Variants in RBFOX1 observed in about 807,000 individuals in gnomAD.
RBFOX1 encodes RNA binding protein fox-1 homolog 1.
A neutral mutation model predicts 57.7 loss-of-function variants in RBFOX1; 8 were observed. The ratio of observed to expected loss-of-function variants is 0.14; its 90% confidence interval spans 0.08 to 0.25. The LOEUF is 0.25. RBFOX1 is among the 10% of genes least tolerant of loss of function. The pLI is 1.00. For missense variants in RBFOX1, 611 were observed against 548.5 expected (o/e 1.11, Z -1.14); for synonymous variants, 326 against 222.4 (o/e 1.47, Z -4.15).
Position 6,406,761 on chromosome 16 carries a change from C to T in RBFOX1, c.-64+89704C>T, listed in dbSNP as rs535111861. Among the ~76,000 whole-genome samples the T allele has an allele frequency of 1.3e-4, 20 of 152,100 alleles. No individual in the cohort carries two copies. The South Asian group carries it at 3.5e-3, about 27-fold the overall frequency. ...AGCATGCATCATTGCAAAGGGTCTT[C>T]ATAAGGTTATGTGGAGGCTACCTGG... On this transcript the variant is annotated intron_variant, in intron 2 of 15. Transcript: ENST00000550418.
At chr16:5,993,887 T>C (rs1201802334) in intron 4 of RBFOX1, among the ~76,000 whole-genome samples, 1 of 152,204 alleles carries the variant, frequency 6.6e-6, no homozygotes, top group Admixed American at 6.5e-5. Context: ...TATTAATTCT[T>C]ATTTAGTGAA....
At chr16:7,233,425 C>G (rs1031664419) in intron 4 of RBFOX1, among the ~76,000 whole-genome samples, 6 of 152,186 alleles carry the variant, frequency 3.9e-5, no homozygotes, top group Admixed American at 1.3e-4. Flanking sequence ...CTTTTCCTTG[C>G]TCTTTCTCTT....
At chr16:7,193,184 A>G (rs533105964) in intron 4 of RBFOX1, among the ~76,000 whole-genome samples, 1 of 152,210 alleles carries the variant, frequency 6.6e-6, no homozygotes, top group Non-Finnish European at 1.5e-5. Flanking sequence ...TAGGGTTGTT[A>G]TAAGTGAAGA....
intron 1 of RBFOX1, among the ~76,000 whole-genome samples, chr16:5,340,813 G>C (rs2151294505): frequency 6.6e-6 from 1 of 152,310 alleles, no homozygotes; most frequent in East Asian, 1.9e-4. Context: ...ATTCTCACAT[G>C]GGAGACAAAA....
chr16:5,364,593 A>ATC (rs1292081476), intron 1 of RBFOX1, among the ~76,000 whole-genome samples: 5 of 152,138 alleles, frequency 3.3e-5, no homozygotes, highest in Non-Finnish European at 4.4e-5. Context: ...CTATCTAAAA[A>ATC]TCTCTCCCTA....
chr16:6,250,915 A>T (rs1035332308), intron 1 of RBFOX1, among the ~76,000 whole-genome samples: 1 of 152,110 alleles, frequency 6.6e-6, no homozygotes, highest in Non-Finnish European at 1.5e-5. Flanking sequence ...GAACCCTTCC[A>T]TTAGTGTAGA....
intron 4 of RBFOX1, among the ~76,000 whole-genome samples, chr16:5,987,342 C>T (rs2060303928): frequency 6.6e-6 from 1 of 152,172 alleles, no homozygotes; most frequent in African/African-American, 2.4e-5. Context: ...CTTGTCTCCT[C>T]ATCCTCTTTC....
At chr16:6,386,400 A>G (rs1231505254) in intron 2 of RBFOX1, among the ~76,000 whole-genome samples, 2 of 152,102 alleles carry the variant, frequency 1.3e-5, no homozygotes, top group Admixed American at 6.6e-5. Context: ...ATTATCATCC[A>G]CTTCTTGCTG....
chr16:6,881,028 C>T (rs184041953), intron 3 of RBFOX1, among the ~76,000 whole-genome samples: 8 of 152,298 alleles, frequency 5.3e-5, no homozygotes, highest in Non-Finnish European at 1.2e-4. Flanking sequence ...CCATACCCTC[C>T]ACCTTCCCCT....
At chr16:6,280,832 C>G (rs779803739) in intron 1 of RBFOX1, among the ~76,000 whole-genome samples, 4 of 151,898 alleles carry the variant, frequency 2.6e-5, no homozygotes, top group Non-Finnish European at 4.4e-5. Flanking sequence ...AGGACACATA[C>G]TACAGAGAGT....
At chr16:5,890,349 A>C (rs1003977921) in intron 4 of RBFOX1, among the ~76,000 whole-genome samples, 1 of 152,106 alleles carries the variant, frequency 6.6e-6, no homozygotes, top group Non-Finnish European at 1.5e-5. Flanking sequence ...CGATAATTTC[A>C]CAGCTGAGTA....
intron 3 of RBFOX1, among the ~76,000 whole-genome samples, chr16:6,804,644 A>T (rs577314623): frequency 6.6e-6 from 1 of 152,308 alleles, no homozygotes; most frequent in African/African-American, 2.4e-5. Context: ...CAGTAATGAG[A>T]ATGAACTATT....
At chr16:6,047,481 C>T (rs530834936) in intron 1 of RBFOX1, among the ~76,000 whole-genome samples, 71 of 152,320 alleles carry the variant, frequency 4.7e-4, no homozygotes, top group African/African-American at 1.7e-3. Flanking sequence ...GTGACCAAAG[C>T]TTTAGAAAAC....
intron 2 of RBFOX1, among the ~76,000 whole-genome samples, chr16:6,399,847 A>G (rs778724490): frequency 6.6e-6 from 1 of 152,226 alleles, no homozygotes; most frequent in Non-Finnish European, 1.5e-5. Context: ...ATCATGGAAG[A>G]CACCTCTTCA....
chr16:7,029,280 A>G (rs1353251571), intron 3 of RBFOX1, among the ~76,000 whole-genome samples: 2 of 141,480 alleles, frequency 1.4e-5, no homozygotes, highest in African/African-American at 5.2e-5. Flanking sequence ...ATACGTATAT[A>G]TATACACATA....
At chr16:6,799,469 G>A (rs546657056) in intron 3 of RBFOX1, among the ~76,000 whole-genome samples, 55 of 152,234 alleles carry the variant, frequency 3.6e-4, no homozygotes, top group African/African-American at 1.2e-3. Flanking sequence ...ATTCATGATG[G>A]TTAATATTAG....
At chr16:5,943,785 C>G (rs544087055) in intron 4 of RBFOX1, among the ~76,000 whole-genome samples, 1 of 152,268 alleles carries the variant, frequency 6.6e-6, no homozygotes, top group African/African-American at 2.4e-5. Context: ...TCACATTCAC[C>G]CATTAATTTA....
At chr16:6,751,614 T>C (rs1375714571) in intron 3 of RBFOX1, among the ~76,000 whole-genome samples, 1 of 152,156 alleles carries the variant, frequency 6.6e-6, no homozygotes, top group Non-Finnish European at 1.5e-5. Context: ...AGTTTACTTG[T>C]CTTAGACTGC....
chr16:6,237,509 C>T lies in RBFOX1; in HGVS notation c.-126-79486C>T, dbSNP rs563373874. Among the ~76,000 whole-genome samples the T allele has an allele frequency of 4.6e-5, 7 of 152,152 alleles. No individual in the cohort carries two copies. In the South Asian group the frequency reaches 1.5e-3, roughly 32 times the overall value. On this transcript the variant is annotated intron_variant, in intron 1 of 15. Transcript: ENST00000550418. ...AGAAATACCTGCCTTATTGGGAGGC[C>T]AACACAGGTGGATTACGAGGTCAGG...
Sources: allele counts gnomAD v4.1 joint callset (sites outside exome capture counted in the v4.1 genomes callset), GRCh38; gene constraint gnomAD v4.1.1; transcripts MANE v1.5; gene names NCBI Gene and HGNC (gene_info 2026-07-23, HGNC 2026-07-21).